The following NUP188 variants were observed in gnomAD, a reference collection of about 807,000 sequenced individuals.
The protein encoded by NUP188 is nucleoporin NUP188.
NUP188 carries 97 observed loss-of-function variants against 223.0 expected under a neutral mutation model. The ratio of observed to expected loss-of-function variants is 0.43; its 90% CI spans 0.37 to 0.51. The LOEUF (loss-of-function observed/expected upper bound fraction) is 0.51. Ranked by LOEUF, NUP188 falls within the 20% of genes least tolerant of loss-of-function variation. The probability of loss-of-function intolerance (pLI) is 0.00; values close to 1 mark genes in which losing one functional copy is unlikely to be tolerated. For synonymous variants in NUP188, 869 were observed against 828.0 expected (o/e 1.05, Z -0.85); for missense variants, 1,947 against 2,175.6 (o/e 0.89, Z 2.09).
At chr9:129,004,387 A>G (rs1418078265) in intron 38 of NUP188, 1 of 152,176 alleles carries the variant, frequency 6.6e-6, no homozygotes, top group Non-Finnish European at 1.5e-5. Context: ...CACAGGCTCC[A>G]GAGCCAGGCA....
At chr9:129,003,084 T>A in intron 37 of NUP188, 109 bp downstream of exon 37, 2 of 1,276,194 alleles carry the variant, frequency 1.6e-6, no homozygotes, top group South Asian at 1.4e-5. Context: ...CGGAGGGTTG[T>A]CGATGCCTTC....
At chr9:128,979,397 G>C in intron 13 of NUP188, 70 bp downstream of exon 13, 1 of 1,123,692 alleles carries the variant, frequency 8.9e-7, no homozygotes, top group Non-Finnish European at 1.3e-6. Context: ...TACAGGTTTT[G>C]TACTAAGCAT....
Position 129,005,889 on chromosome 9 carries a change from C to T in NUP188, c.4869+113C>T, listed in dbSNP as rs372846553. On this transcript the variant is annotated intron_variant, in intron 41 of 43. Transcript: ENST00000372577. ...TGGTACCTAGCCTCCCAAGCCTGCT[C>T]CTCTCTGTAAACTGAACATGACAGC... 1.3e-3 allele frequency: 1,844 copies of T among 1,441,964 alleles called. 39 individuals carry two copies. In the South Asian group the frequency reaches 0.023, roughly 18 times the overall value. The allele number at this position is 1,441,964 out of a possible 1,614,324, so 89.3% of individuals were successfully genotyped here. A position where few individuals can be genotyped will look rare whatever the true frequency, so the allele number is the denominator to read the frequency against.
At chr9:128,960,786 C>T (rs1053745816) in intron 8 of NUP188, among the ~76,000 whole-genome samples, 1 of 151,852 alleles carries the variant, frequency 6.6e-6, no homozygotes, top group African/African-American at 2.4e-5. Context: ...CCTGTTTCTA[C>T]TAAAAATACA....
Position 128,999,660 on chromosome 9 carries a change from A to G in NUP188, c.3698A>G (p.Asn1233Ser), listed in dbSNP as rs1335105666. Residue 1233 changes from asparagine to serine, a missense_variant, in exon 34 of 44, where the codon AAT (asparagine) becomes AGT (serine). Asn to Ser is a conservative substitution (Grantham distance 46). This residue lies in a region of NUP188 where 905 missense variants were observed against 990.6 expected (regional missense o/e 0.91). Transcript: ENST00000372577. ...DIPQYSQLVL[N>S]VCETLQEEVI... ...CCCCAGTACTCCCAGCTGGTGCTGA[A>G]TGTCTGTGAGACCCTCCAAGAGGAA... 6.2e-7 allele frequency: 1 copy of G among 1,614,126 alleles called. No homozygotes were observed.
In NUP188 at chr9:128,986,489, T is replaced by C. The variant is rs1357303219; in HGVS notation, c.2077-69T>C. On this transcript the variant is annotated intron_variant, in intron 20 of 43. Coordinates refer to ENST00000372577, the MANE Select transcript of NUP188 (RefSeq NM_015354.3). ...TTGGACCTATCTATGGTTTTGGAAT[T>C]AAATCTCTAGGTAACTAAATGACTT... 3.3e-6 allele frequency: 5 copies of C among 1,530,888 alleles called. No individual in the cohort carries two copies. In the Admixed American group the frequency reaches 7.8e-5, roughly 24 times the overall value. 94.8% of individuals were successfully genotyped at this position (1,530,888 alleles called of 1,614,324 possible). A position where few individuals can be genotyped will look rare whatever the true frequency, so the allele number is the denominator to read the frequency against.
At chr9:128,974,827 C>T (rs1447569441) in intron 12 of NUP188, among the ~76,000 whole-genome samples, 3 of 149,956 alleles carry the variant, frequency 2.0e-5, no homozygotes, top group African/African-American at 4.9e-5. Context: ...GGCGCGATCT[C>T]GTCCCACTTC....
At chr9:128,960,040 C>A (rs1411631129) in intron 8 of NUP188, among the ~76,000 whole-genome samples, 1 of 146,360 alleles carries the variant, frequency 6.8e-6, no homozygotes, top group Non-Finnish European at 1.5e-5. Context: ...ATGTGTAACA[C>A]TAGTCTGATT....
At position 129,007,004 on chromosome 9, in the gene NUP188, A is replaced by G. The variant is rs1167714601; in HGVS notation, c.*326A>G. The G allele has an allele frequency of 3.8e-6, 1 of 264,994 alleles. No homozygotes were observed. The highest frequency in any genetic ancestry group is 7.1e-6 in the Non-Finnish European group (1 of 140,414). 16.4% of individuals were successfully genotyped at this position (264,994 alleles called of 1,614,324 possible). ...GGCAGCCCAGCAGAGGGCTCTATGC[A>G]CGGGTTTCAAACCTGTTTTCCACAC... On this transcript the variant is annotated 3_prime_UTR_variant, in exon 44 of 44. Coordinates refer to ENST00000372577, the MANE Select transcript of NUP188 (RefSeq NM_015354.3).
intron 13 of NUP188, among the ~76,000 whole-genome samples, 192 bp downstream of exon 13, chr9:128,979,519 C>T (rs1842226030): frequency 6.6e-6 from 1 of 152,104 alleles, no homozygotes; most frequent in South Asian, 2.1e-4. Flanking sequence ...GTGATTTGCT[C>T]AAAGTCACAC....
chr9:128,951,266 A>G (rs962733250), intron 2 of NUP188, among the ~76,000 whole-genome samples: 2 of 150,614 alleles, frequency 1.3e-5, no homozygotes, highest in Non-Finnish European at 3.0e-5. Flanking sequence ...GAGATCGCGC[A>G]ACTGTACTCC....
At chr9:128,991,354 A>C (rs373151393) in intron 25 of NUP188, among the ~76,000 whole-genome samples, 4 of 151,858 alleles carry the variant, frequency 2.6e-5, no homozygotes, top group Non-Finnish European at 5.9e-5. Flanking sequence ...CGTGGCCAAG[A>C]TGGTGAAACC....
chr9:128,986,383 C>T (rs1006680000), intron 20 of NUP188, among the ~76,000 whole-genome samples, 175 bp from the exon 21 acceptor site: 4 of 152,142 alleles, frequency 2.6e-5, no homozygotes, highest in African/African-American at 9.7e-5. Context: ...AGAAAAGACC[C>T]ACAACTTGGG....
chr9:128,953,292 A>G (rs1841821608), intron 3 of NUP188, among the ~76,000 whole-genome samples: 1 of 152,192 alleles, frequency 6.6e-6, no homozygotes, highest in African/African-American at 2.4e-5. Context: ...GATAGTTACT[A>G]CTTTTATTCT....
chr9:128,987,604 G>T lies in NUP188; in HGVS notation c.2280G>T (p.Leu760=). ...TGTCTTCCAGTCATACTCCCAGCCT[G>T]CAGTTTCTCTGCATCTGCAGCCTGG... ...TDLHSSHTPS[L]QFLCICSLAY... Residue 760 remains leucine (L), a synonymous_variant, in exon 23 of 44, where the codon CTG becomes CTT. Transcript: ENST00000372577. The T allele has an allele frequency of 6.2e-7, 1 of 1,613,086 alleles. No homozygotes were observed. Among genetic ancestry groups the T allele is most frequent in the Non-Finnish European group, 8.5e-7 (1 of 1,179,570 alleles).
intron 12 of NUP188, among the ~76,000 whole-genome samples, chr9:128,978,091 G>T (rs1278645548): frequency 1.3e-5 from 2 of 151,986 alleles, no homozygotes; most frequent in East Asian, 3.9e-4. Flanking sequence ...AGAGTTCTTG[G>T]CTGGGCATGG....
chr9:128,995,586 A>G (rs2131181188), intron 30 of NUP188, 72 bp downstream of exon 30: 2 of 1,278,016 alleles, frequency 1.6e-6, no homozygotes, highest in South Asian at 1.4e-5. Flanking sequence ...CCTAGCAGAT[A>G]CAGCTCCTTG....
chr9:128,999,379 C>T (rs1255172307), intron 33 of NUP188, 62 bp downstream of exon 33: 2 of 1,585,992 alleles, frequency 1.3e-6, no homozygotes, highest in Admixed American at 1.7e-5. Context: ...GACAGCCAGG[C>T]AGGGCTTCCT....
intron 8 of NUP188, among the ~76,000 whole-genome samples, chr9:128,966,735 A>T (rs1842036059): frequency 6.6e-6 from 1 of 152,168 alleles, no homozygotes; most frequent in South Asian, 2.1e-4. Context: ...CTCATGTTTT[A>T]TGGCCTACCT....
Sources: allele counts gnomAD v4.1 joint callset (sites outside exome capture counted in the v4.1 genomes callset), GRCh38; gene constraint gnomAD v4.1.1; regional missense constraint gnomAD v4.1.1; transcripts MANE v1.5; gene names NCBI Gene and HGNC (gene_info 2026-07-23, HGNC 2026-07-21).